RIMS2: variants seen among roughly 807,000 people sequenced by gnomAD.
RIMS2 encodes the protein regulating synaptic membrane exocytosis protein 2.
RIMS2 carries 59 observed loss-of-function variants against 174.4 expected under a neutral mutation model. The observed-to-expected ratio is 0.34, with a 90% CI of 0.27 to 0.42. The LOEUF is 0.42. RIMS2 is among the 10% of genes least tolerant of loss of function. RIMS2 has a pLI of 1.00. For synonymous variants in RIMS2, 606 were observed against 572.5 expected, an observed-to-expected ratio of 1.06 and a Z score of -0.84; for missense variants, 1,620 against 1,666.3, an observed-to-expected ratio of 0.97 and a Z score of 0.48.
At chr8:104,190,308 A>G (rs2098991062) in intron 19 of RIMS2, among the ~76,000 whole-genome samples, 1 of 152,070 alleles carries the variant, frequency 6.6e-6, no homozygotes, top group African/African-American at 2.4e-5. Flanking sequence ...TCTAAAAAAT[A>G]TAAACTAATT....
At chr8:103,714,224 A>T (rs1460794287) in intron 2 of RIMS2, among the ~76,000 whole-genome samples, 1 of 152,194 alleles carries the variant, frequency 6.6e-6, no homozygotes, top group African/African-American at 2.4e-5. Context: ...TAGTGTACTT[A>T]CTATGGGCAT....
At chr8:103,916,326 G>A in intron 7 of RIMS2, 88 bp from the exon 11 acceptor site, 1 of 877,756 alleles carries the variant, frequency 1.1e-6, no homozygotes, top group Non-Finnish European at 1.8e-6. Flanking sequence ...TTATCCTATG[G>A]AGTTTATTGA....
chr8:103,979,775 G>C (rs927666497), intron 16 of RIMS2, among the ~76,000 whole-genome samples: 3 of 152,198 alleles, frequency 2.0e-5, no homozygotes, highest in African/African-American at 7.2e-5. Flanking sequence ...GTGCATTTGG[G>C]AGAGGAAGAG....
intron 3 of RIMS2, among the ~76,000 whole-genome samples, chr8:103,796,844 G>T (rs1364809700): frequency 6.6e-6 from 1 of 152,150 alleles, no homozygotes; most frequent in Non-Finnish European, 1.5e-5. Context: ...GGCTGTCCAG[G>T]TTGTGTGCAG....
intron 19 of RIMS2, among the ~76,000 whole-genome samples, chr8:104,031,074 T>C (rs980955073): frequency 6.6e-6 from 1 of 152,192 alleles, no homozygotes; most frequent in Non-Finnish European, 1.5e-5. Context: ...AAGTAACTCA[T>C]ATTCAATGAT....
At chr8:103,956,741 A>G (rs977635546) in intron 14 of RIMS2, among the ~76,000 whole-genome samples, 1 of 152,232 alleles carries the variant, frequency 6.6e-6, no homozygotes, top group African/African-American at 2.4e-5. Context: ...AAAAGCCAAA[A>G]TAGACAAATA....
chr8:103,638,258 A>T (rs1022100813), intron 1 of RIMS2, among the ~76,000 whole-genome samples: 2 of 152,086 alleles, frequency 1.3e-5, no homozygotes, highest in Admixed American at 1.3e-4. Flanking sequence ...AACCACAGTA[A>T]TTAATAAATA....
chr8:103,703,866 T>C (rs2137593697), intron 2 of RIMS2, among the ~76,000 whole-genome samples: 1 of 152,274 alleles, frequency 6.6e-6, no homozygotes, highest in South Asian at 2.1e-4. Context: ...TGAATTTGTT[T>C]ATGAGTGCTA....
intron 19 of RIMS2, among the ~76,000 whole-genome samples, chr8:104,229,702 A>G (rs1301876645): frequency 1.3e-5 from 2 of 152,136 alleles, no homozygotes; most frequent in African/African-American, 4.8e-5. Context: ...ATGGCAGCCA[A>G]TGGCATCCAA....
At chr8:104,223,586 C>T in intron 19 of RIMS2, 1 of 1,490,006 alleles carries the variant, frequency 6.7e-7, no homozygotes, top group Non-Finnish European at 8.9e-7. Context: ...CCGCTGCGGA[C>T]GCTGCGCCCC....
At chr8:104,223,656 G>A in intron 19 of RIMS2, 1 of 1,588,978 alleles carries the variant, frequency 6.3e-7, no homozygotes, top group South Asian at 1.1e-5. Flanking sequence ...TCCAAGATGG[G>A]CCGGCAGGGC....
chr8:104,244,767 G>A (rs1157884803), intron 19 of RIMS2, 149 bp from the exon 26 acceptor site: 2 of 639,968 alleles, frequency 3.1e-6, no homozygotes, highest in African/African-American at 3.6e-5. Flanking sequence ...GTTTAAAATT[G>A]TTTTAAATAC....
intron 1 of RIMS2, among the ~76,000 whole-genome samples, chr8:103,665,422 A>G (rs1417985942): frequency 6.6e-6 from 1 of 152,232 alleles, no homozygotes; most frequent in Non-Finnish European, 1.5e-5. Flanking sequence ...TGAAAGATAA[A>G]GGATTAATAT....
At chr8:103,586,983 A>G (rs2093956981) in intron 1 of RIMS2, among the ~76,000 whole-genome samples, 2 of 152,102 alleles carry the variant, frequency 1.3e-5, no homozygotes, top group South Asian at 4.1e-4. Context: ...TATTATCAAT[A>G]ATAACATTGA....
intron 1 of RIMS2, among the ~76,000 whole-genome samples, chr8:103,547,907 T>G (rs1845857478): frequency 1.3e-5 from 2 of 151,956 alleles, no homozygotes; most frequent in African/African-American, 4.8e-5. Flanking sequence ...ACTAGAAAAC[T>G]TAGAAGAAAT....
At chr8:103,545,253 C>T (rs1224838767) in intron 1 of RIMS2, among the ~76,000 whole-genome samples, 1 of 151,932 alleles carries the variant, frequency 6.6e-6, no homozygotes, top group Non-Finnish European at 1.5e-5. Flanking sequence ...ACAGCAGAAT[C>T]AACCAAACAG....
intron 19 of RIMS2, among the ~76,000 whole-genome samples, chr8:104,218,402 T>C (rs928383586): frequency 6.6e-6 from 1 of 152,164 alleles, no homozygotes; most frequent in Non-Finnish European, 1.5e-5. Flanking sequence ...ACGTTAGTGG[T>C]CCCCAACATT....
chr8:103,855,802 A>T (rs766046859), intron 3 of RIMS2, among the ~76,000 whole-genome samples: 1 of 152,142 alleles, frequency 6.6e-6, no homozygotes, highest in Non-Finnish European at 1.5e-5. Context: ...ATTGTATTCC[A>T]TGTGCAGATG....
chr8:104,230,751 G>A (rs2099222834), intron 19 of RIMS2, among the ~76,000 whole-genome samples: 1 of 152,150 alleles, frequency 6.6e-6, no homozygotes, highest in Admixed American at 6.5e-5. Flanking sequence ...AAGTCGGACG[G>A]GAATAAAACG....
Sources: allele counts gnomAD v4.1 joint callset (sites outside exome capture counted in the v4.1 genomes callset), GRCh38; gene constraint gnomAD v4.1.1; transcripts MANE v1.5; gene names NCBI Gene and HGNC (gene_info 2026-07-23, HGNC 2026-07-21).